SLC9A7: variants seen among roughly 807,000 people sequenced by gnomAD.
SLC9A7 encodes sodium/hydrogen exchanger 7.
SLC9A7 carries 19 observed loss-of-function variants against 52.6 expected under a neutral mutation model. The ratio of observed to expected loss-of-function variants is 0.36; its 90% CI spans 0.25 to 0.53. The LOEUF (loss-of-function observed/expected upper bound fraction) is 0.53, where lower values mean the gene tolerates loss of function less well. Among genes scored for constraint, SLC9A7 ranks in the 20% least tolerant of loss-of-function variants. The pLI, the probability that SLC9A7 is intolerant of heterozygous loss-of-function variation, is 0.91. For missense variants in SLC9A7, 455 were observed against 597.9 expected (o/e 0.76, Z 2.49); for synonymous variants, 226 against 252.1 (o/e 0.90, Z 0.98).
At chrX:46,620,671 C>T (rs902297049) in intron 15 of SLC9A7, among the ~76,000 whole-genome samples, 10 of 111,306 alleles carry the variant, frequency 9.0e-5, no homozygotes, top group African/African-American at 3.3e-4. Flanking sequence ...CGATTCATTG[C>T]GTAATTTTAA....
intron 12 of SLC9A7, among the ~76,000 whole-genome samples, chrX:46,637,228 G>A (rs1943335486): frequency 8.9e-6 from 1 of 111,783 alleles, no homozygotes; most frequent in Admixed American, 9.5e-5. Flanking sequence ...GGTGAAATAA[G>A]TTGCCCAAGG....
intron 3 of SLC9A7, 32 bp from the exon 4 acceptor site, chrX:46,672,659 T>A (rs762099701): frequency 1.9e-6 from 2 of 1,051,778 alleles, no homozygotes; most frequent in Non-Finnish European, 2.6e-6. Flanking sequence ...AACCCAGGAA[T>A]CACATTGTGA....
chrX:46,625,713 CAA>C (rs756504189), intron 14 of SLC9A7, among the ~76,000 whole-genome samples: 29 of 45,091 alleles, frequency 6.4e-4, no homozygotes, highest in Middle Eastern at 0.012. Flanking sequence ...GTCTCTCTCT[CAA>C]AAAAAAAAAA....
At chrX:46,753,892 A>G (rs1298621718) in intron 1 of SLC9A7, among the ~76,000 whole-genome samples, 2 of 110,127 alleles carry the variant, frequency 1.8e-5, no homozygotes, top group Non-Finnish European at 3.8e-5. Flanking sequence ...AGGCTGAGGC[A>G]GGAGAATGGC....
intron 8 of SLC9A7, among the ~76,000 whole-genome samples, chrX:46,652,287 A>C (rs768773282): frequency 9.0e-6 from 1 of 111,260 alleles, no homozygotes; most frequent in Non-Finnish European, 1.9e-5. Flanking sequence ...AATAGCTGGG[A>C]CTACAGATGC....
intron 15 of SLC9A7, among the ~76,000 whole-genome samples, chrX:46,619,958 C>T (rs1943016757): frequency 1.8e-5 from 2 of 111,569 alleles, no homozygotes; most frequent in Non-Finnish European, 3.8e-5. Context: ...TTTCTTGATT[C>T]GTTTGGTGTT....
Position 46,697,822 on chromosome X carries a change from C to A in SLC9A7, c.326-15287G>T, listed in dbSNP as rs1459760907. ...GGAGGAACAGAGCCATATTTCTCTT[C>A]TTTCAAAAGCAAATGGGAGAAATAT... On this transcript the variant is annotated intron_variant, in intron 1 of 16. Transcript: ENST00000616978. Among the ~76,000 whole-genome samples, 5 of 112,252 alleles carry A rather than the reference C, an allele frequency of 4.5e-5. No individual in the cohort carries two copies. The Admixed American group carries it at 4.7e-4, about 11-fold the overall frequency.
intron 11 of SLC9A7, chrX:46,647,040 G>A (rs911713838): frequency 7.4e-5 from 24 of 325,921 alleles, no homozygotes; most frequent in African/African-American, 1.3e-4. Context: ...TCTGCTTTAC[G>A]GAGGTCGGTC....
chrX:46,617,707 T>C (rs1254266837), intron 15 of SLC9A7, among the ~76,000 whole-genome samples: 1 of 112,206 alleles, frequency 8.9e-6, no homozygotes, highest in Non-Finnish European at 1.9e-5. Flanking sequence ...AACTAAAAAG[T>C]GGAAATCCCA....
intron 1 of SLC9A7, among the ~76,000 whole-genome samples, chrX:46,753,890 G>T (rs1922421559): frequency 9.1e-6 from 1 of 110,192 alleles, no homozygotes; most frequent in Middle Eastern, 4.6e-3. Context: ...GGAGGCTGAG[G>T]CAGGAGAATG....
intron 1 of SLC9A7, among the ~76,000 whole-genome samples, chrX:46,682,960 A>ATTTTTTTTTTTTTTTTTTTTTTTTTTTTT (rs1169630244): frequency 4.6e-5 from 3 of 64,908 alleles, no homozygotes; most frequent in Non-Finnish European, 8.4e-5. Context: ...CACCCGGCTA[A>ATTTTTTTTTTTTTTTTTTTTTTTTTTTTT]TTTTTTTTTT....
chrX:46,712,781 T>C (rs1203820590), intron 1 of SLC9A7, among the ~76,000 whole-genome samples: 2 of 112,229 alleles, frequency 1.8e-5, no homozygotes, highest in Non-Finnish European at 3.8e-5. Flanking sequence ...CCTGGGTCTT[T>C]TAAATTCACT....
chrX:46,725,832 A>G, intron 1 of SLC9A7: 1 of 575,876 alleles, frequency 1.7e-6, no homozygotes, highest in Non-Finnish European at 3.0e-6. Flanking sequence ...GAGCGGCCGC[A>G]AAGAAACCCA....
intron 4 of SLC9A7, among the ~76,000 whole-genome samples, chrX:46,671,409 C>T (rs747841012): frequency 9.3e-4 from 101 of 109,119 alleles, no homozygotes; most frequent in Non-Finnish European, 1.8e-3. Flanking sequence ...TACAGGCGCC[C>T]GCCACCACTC....
At chrX:46,626,915 C>T (rs1436203602) in intron 14 of SLC9A7, among the ~76,000 whole-genome samples, 2 of 111,975 alleles carry the variant, frequency 1.8e-5, no homozygotes, top group African/African-American at 6.5e-5. Flanking sequence ...AATTACCCAG[C>T]CTCAGGTGGT....
rs778770721 is a variant in SLC9A7, at chrX:46,609,733, A to T, written c.1930-2530T>A. ...AAACAAAACAAAAGAAAACAAAAAA[A>T]AACCCATGGAGAGGCCAGGCATGGT... On this transcript the variant is annotated intron_variant, in intron 16 of 16. Coordinates refer to ENST00000616978, the MANE Select transcript of SLC9A7 (RefSeq NM_001257291.2). 4.2e-3 allele frequency among the ~76,000 whole-genome samples: 458 copies of T among 110,180 alleles called. 7 individuals are homozygous for T. The highest frequency in any genetic ancestry group is 0.014 in the African/African-American group (437 of 30,274).
chrX:46,612,143 T>C (rs954817632), intron 16 of SLC9A7, among the ~76,000 whole-genome samples: 5 of 112,424 alleles, frequency 4.4e-5, no homozygotes, highest in Non-Finnish European at 7.5e-5. Flanking sequence ...ACTTTCCTTC[T>C]CTGTAATGCT....
rs759218338 is a variant in SLC9A7, at chrX:46,687,247, C to T, written c.326-4712G>A. The stretch of plus-strand genomic sequence containing the variant: ...CCTTTGTTACGGAGGAGAACAGGTA[C>T]GTGGGTGCACTGTTCTTTAGTGAGA... On this transcript the variant is annotated intron_variant, in intron 1 of 16. Transcript: ENST00000616978. 2.7e-5 allele frequency among the ~76,000 whole-genome samples: 3 copies of T among 111,673 alleles called. No individual in the cohort carries two copies. In the East Asian group the frequency reaches 8.4e-4, roughly 31 times the overall value.
At chrX:46,639,238 A>G in intron 12 of SLC9A7, among the ~76,000 whole-genome samples, 1 of 110,318 alleles carries the variant, frequency 9.1e-6, no homozygotes, top group Middle Eastern at 4.2e-3. Context: ...CAAAAACCCT[A>G]TAGCTAATAT....
Sources: allele counts gnomAD v4.1 joint callset (sites outside exome capture counted in the v4.1 genomes callset), GRCh38; gene constraint gnomAD v4.1.1; transcripts MANE v1.5; gene names NCBI Gene and HGNC (gene_info 2026-07-23, HGNC 2026-07-21).